OLA1: variants seen among roughly 807,000 people sequenced by gnomAD.
The protein encoded by OLA1 is Obg like ATPase 1.
In OLA1, 14 loss-of-function variants were observed where a neutral mutation model predicts 48.4. That is an observed-to-expected ratio of 0.29 (90% confidence interval 0.19 to 0.45). The LOEUF is 0.45. Ranked by LOEUF, OLA1 falls within the 20% of genes least tolerant of loss-of-function variation. The pLI is 1.00. For missense variants in OLA1, 325 were observed against 467.1 expected, an observed-to-expected ratio of 0.70 and a Z score of 2.80; for synonymous variants, 127 against 150.4, an observed-to-expected ratio of 0.84 and a Z score of 1.14.
intron 4 of OLA1, among the ~76,000 whole-genome samples, chr2:174,192,951 A>G (rs1687805265): frequency 6.6e-6 from 1 of 152,126 alleles, no homozygotes; most frequent in Non-Finnish European, 1.5e-5. Context: ...CAGCTTGAAT[A>G]CTACATGTCC....
chr2:174,184,663 T>G (rs1687613070), intron 4 of OLA1, among the ~76,000 whole-genome samples: 1 of 152,146 alleles, frequency 6.6e-6, no homozygotes, highest in Non-Finnish European at 1.5e-5. Flanking sequence ...TTTTGACAAA[T>G]GTACCATAGT....
At chr2:174,160,847 C>T (rs1449481481) in intron 4 of OLA1, among the ~76,000 whole-genome samples, 1 of 152,116 alleles carries the variant, frequency 6.6e-6, no homozygotes, top group Admixed American at 6.5e-5. Context: ...GAAATTAAAG[C>T]AAATTACTCC....
intron 4 of OLA1, among the ~76,000 whole-genome samples, chr2:174,169,102 C>A (rs546974529): frequency 3.9e-5 from 6 of 151,996 alleles, no homozygotes; most frequent in Non-Finnish European, 8.8e-5. Flanking sequence ...CACACCACCA[C>A]GCCCAGCTAA....
intron 5 of OLA1, among the ~76,000 whole-genome samples, chr2:174,139,139 T>C (rs1036911621): frequency 6.6e-6 from 1 of 152,196 alleles, no homozygotes; most frequent in African/African-American, 2.4e-5. Flanking sequence ...AGTGAACTTA[T>C]TTGGGAATTA....
intron 4 of OLA1, among the ~76,000 whole-genome samples, chr2:174,210,653 A>G (rs1274414205): frequency 6.6e-6 from 1 of 152,180 alleles, no homozygotes; most frequent in Non-Finnish European, 1.5e-5. Context: ...ATACAGTTAA[A>G]TCTACTATAA....
chr2:174,098,562 C>T (rs1574480102), intron 7 of OLA1, among the ~76,000 whole-genome samples: 1 of 152,114 alleles, frequency 6.6e-6, no homozygotes, highest in African/African-American at 2.4e-5. Flanking sequence ...AATTAAAGAA[C>T]TCCCACAAGC....
intron 5 of OLA1, among the ~76,000 whole-genome samples, chr2:174,136,695 C>T (rs1437818087): frequency 3.4e-5 from 5 of 148,474 alleles, no homozygotes; most frequent in East Asian, 3.9e-4. Context: ...TTTCCTGAGA[C>T]GAGTCTTGGT....
chr2:174,155,821 G>A (rs943174768), intron 4 of OLA1, among the ~76,000 whole-genome samples: 1 of 152,156 alleles, frequency 6.6e-6, no homozygotes, highest in African/African-American at 2.4e-5. Flanking sequence ...GCATAAAGAC[G>A]AGGACTTTCA....
At chr2:174,170,587 A>G (rs1326955287) in intron 4 of OLA1, among the ~76,000 whole-genome samples, 8 of 152,204 alleles carry the variant, frequency 5.3e-5, no homozygotes, top group Non-Finnish European at 1.2e-4. Flanking sequence ...TATGTTCTGT[A>G]TAAGAGATAC....
intron 5 of OLA1, among the ~76,000 whole-genome samples, chr2:174,132,443 C>T (rs1262009423): frequency 6.6e-6 from 1 of 151,980 alleles, no homozygotes; most frequent in East Asian, 1.9e-4. Flanking sequence ...ACTTTCAGAT[C>T]ACTGATTTCA....
intron 2 of OLA1, among the ~76,000 whole-genome samples, chr2:174,245,650 T>G (rs891858740): frequency 6.6e-6 from 1 of 151,918 alleles, no homozygotes; most frequent in Admixed American, 6.6e-5. Flanking sequence ...TCCCAGCACT[T>G]TGGGAAGCCA....
At chr2:174,153,281 A>G (rs1336389576) in intron 4 of OLA1, among the ~76,000 whole-genome samples, 1 of 152,210 alleles carries the variant, frequency 6.6e-6, no homozygotes, top group Non-Finnish European at 1.5e-5. Flanking sequence ...GGGTCAATTC[A>G]GTTCTGAGAA....
chr2:174,247,684 C>G (rs753266764), intron 1 of OLA1: 2 of 1,551,140 alleles, frequency 1.3e-6, no homozygotes, highest in South Asian at 2.4e-5. Context: ...TACTGGGGTC[C>G]TTCCACCAAG....
At chr2:174,234,783 G>GA (rs5836454) in intron 2 of OLA1, among the ~76,000 whole-genome samples, 4,160 of 145,850 alleles carry the variant, frequency 0.029, 103 homozygotes, top group South Asian at 0.079. Flanking sequence ...ACCTTAAGGA[G>GA]AAAAAAAAAA....
intron 4 of OLA1, among the ~76,000 whole-genome samples, chr2:174,180,012 G>A (rs1687498022): frequency 6.6e-6 from 1 of 151,444 alleles, no homozygotes; most frequent in Non-Finnish European, 1.5e-5. Context: ...TCTGTTTCTA[G>A]GTTATAAGCT....
chr2:174,086,846 C>A (rs968063304), intron 7 of OLA1, among the ~76,000 whole-genome samples: 2 of 152,042 alleles, frequency 1.3e-5, no homozygotes, highest in Non-Finnish European at 2.9e-5. Flanking sequence ...CGGTTGACAG[C>A]GGGAACTGAA....
Position 174,170,102 on chromosome 2 carries a change from G to A in OLA1, c.374-28102C>T, listed in dbSNP as rs886923321. On this transcript the variant is annotated intron_variant, in intron 4 of 10. Coordinates refer to ENST00000284719, the MANE Select transcript of OLA1 (RefSeq NM_013341.5). ...CATAAAATTAGCCGGGCATGGTGGC[G>A]GGCGCCTGTAGTCCCAGCTACTCCA... is the stretch of plus-strand genomic sequence containing the variant. 3.4e-4 allele frequency among the ~76,000 whole-genome samples: 52 copies of A among 152,154 alleles called. 1 individual carries two copies. Among genetic ancestry groups the A allele is most frequent in the African/African-American group, 1.2e-3 (51 of 41,518 alleles).
At chr2:174,203,993 C>T (rs909365534) in intron 4 of OLA1, among the ~76,000 whole-genome samples, 17 of 151,688 alleles carry the variant, frequency 1.1e-4, no homozygotes, top group Non-Finnish European at 1.8e-4. Flanking sequence ...CGAGGTCTCA[C>T]CATCTTGGCC....
Position 174,073,691 on chromosome 2 carries a change from C to A in OLA1, c.*1735G>T, listed in dbSNP as rs1022467377. The A allele has an allele frequency of 1.3e-5, 2 of 152,136 alleles. No individual in the cohort carries two copies. Among genetic ancestry groups the A allele is most frequent in the Non-Finnish European group, 2.9e-5 (2 of 68,014 alleles). 9.4% of individuals were successfully genotyped at this position (152,136 alleles called of 1,614,324 possible). ...CTAATGTCTTTTTACTGATTTCAAA[C>A]TTCTTTAAGAAGTCCATGCAATTTA... On this transcript the variant is annotated 3_prime_UTR_variant, in exon 11 of 11. Transcript: ENST00000284719.
Sources: allele counts gnomAD v4.1 joint callset (sites outside exome capture counted in the v4.1 genomes callset), GRCh38; gene constraint gnomAD v4.1.1; transcripts MANE v1.5; gene names NCBI Gene and HGNC (gene_info 2026-07-23, HGNC 2026-07-21).